GRM1: variants seen among roughly 807,000 people sequenced by gnomAD.
GRM1 encodes glutamate metabotropic receptor 1.
A neutral mutation model predicts 90.9 loss-of-function variants in GRM1; 33 were observed. The observed-to-expected ratio is 0.36, with a 90% confidence interval of 0.28 to 0.49. The LOEUF (loss-of-function observed/expected upper bound fraction) is 0.49, where lower values mean the gene tolerates loss of function less well. Ranked by LOEUF, GRM1 falls within the 20% of genes least tolerant of loss-of-function variation. The probability of loss-of-function intolerance (pLI) is 0.99; values close to 1 mark genes in which losing one functional copy is unlikely to be tolerated. For synonymous variants in GRM1, 700 were observed against 613.2 expected, an observed-to-expected ratio of 1.14 and a Z score of -2.09; for missense variants, 1,190 against 1,534.3, an observed-to-expected ratio of 0.78 and a Z score of 3.75.
chr6:146,244,080 T>C (rs1008274318), intron 2 of GRM1, among the ~76,000 whole-genome samples: 2 of 152,316 alleles, frequency 1.3e-5, no homozygotes, highest in Middle Eastern at 3.4e-3. Context: ...TGTTCTTTTT[T>C]CAAGGTGCCC....
At chr6:146,182,570 C>G (rs1455643685) in intron 2 of GRM1, among the ~76,000 whole-genome samples, 7 of 152,108 alleles carry the variant, frequency 4.6e-5, no homozygotes, top group Non-Finnish European at 7.4e-5. Context: ...AAATAAAGTA[C>G]TTTGCAAACT....
chr6:146,031,664 T>A (rs1486356348), intron 1 of GRM1, among the ~76,000 whole-genome samples: 2 of 152,192 alleles, frequency 1.3e-5, no homozygotes, highest in African/African-American at 4.8e-5. Flanking sequence ...GTATCTCTTT[T>A]TGAACAAAAA....
At chr6:146,042,533 T>C (rs1791152968) in intron 1 of GRM1, among the ~76,000 whole-genome samples, 1 of 151,992 alleles carries the variant, frequency 6.6e-6, no homozygotes, top group Non-Finnish European at 1.5e-5. Context: ...AGAAGCCTTT[T>C]CTCTGCGTGG....
intron 2 of GRM1, among the ~76,000 whole-genome samples, chr6:146,189,765 C>T (rs1022247401): frequency 6.6e-5 from 10 of 152,166 alleles, no homozygotes; most frequent in Admixed American, 4.6e-4. Flanking sequence ...CTCTCCACTA[C>T]GATTCTATCT....
chr6:146,125,782 T>C (rs1776179036), intron 1 of GRM1, among the ~76,000 whole-genome samples: 1 of 152,120 alleles, frequency 6.6e-6, no homozygotes, highest in Admixed American at 6.5e-5. Flanking sequence ...CTCAGAATTC[T>C]TAGTAGTGGT....
At chr6:146,204,473 G>A (rs1479543338) in intron 2 of GRM1, among the ~76,000 whole-genome samples, 5 of 152,064 alleles carry the variant, frequency 3.3e-5, no homozygotes, top group South Asian at 2.1e-4. Flanking sequence ...TGCAGGGCAC[G>A]GTCTATTGTT....
chr6:146,068,525 A>G (rs530781109), intron 1 of GRM1, among the ~76,000 whole-genome samples: 1 of 150,954 alleles, frequency 6.6e-6, no homozygotes, highest in South Asian at 2.1e-4. Flanking sequence ...TGTCCACAAG[A>G]TAGAGAGAGA....
intron 1 of GRM1, among the ~76,000 whole-genome samples, chr6:146,109,981 G>A (rs1256049810): frequency 2.6e-5 from 4 of 152,182 alleles, no homozygotes; most frequent in African/African-American, 9.7e-5. Context: ...TACCCTCATT[G>A]TATCTAGGAA....
chr6:146,334,374 C>T (rs1174911189), intron 3 of GRM1, among the ~76,000 whole-genome samples: 1 of 152,202 alleles, frequency 6.6e-6, no homozygotes, highest in East Asian at 1.9e-4. Context: ...GCTTTTACTT[C>T]TCTGTGCCTA....
chr6:146,302,914 A>T (rs551629941), intron 2 of GRM1, among the ~76,000 whole-genome samples: 21 of 150,228 alleles, frequency 1.4e-4, no homozygotes, highest in Admixed American at 5.3e-4. Flanking sequence ...GGGAGGGAGG[A>T]AGGAAGGAAG....
chr6:146,225,231 G>C (rs1265089842), intron 2 of GRM1, among the ~76,000 whole-genome samples: 1 of 152,100 alleles, frequency 6.6e-6, no homozygotes, highest in South Asian at 2.1e-4. Flanking sequence ...GACAGCTCCA[G>C]CTTTTTACCT....
Position 146,399,715 on chromosome 6 carries a change from T to C in GRM1, c.2660+16T>C. The stretch of plus-strand genomic sequence containing the variant: ...GGAATGCCAAGTGAGTTATCTGACC[T>C]GTTTGTCTCTCTTTTCTCTTCCTTT... On this transcript the variant is annotated intron_variant, in intron 7 of 7. Transcript: ENST00000282753. This position sits in a 1 kb window ranked among gnomAD's most constrained non-coding sequence, Gnocchi z 5.4. 1 of 1,538,064 alleles carries C rather than the reference T, an allele frequency of 6.5e-7. No homozygotes were observed. Among genetic ancestry groups the C allele is most frequent in the Non-Finnish European group, 8.9e-7 (1 of 1,120,838 alleles).
rs71658885 is a variant in GRM1, at chr6:146,313,955, AAG to A, written c.1186+9112_1186+9113del. Among the ~76,000 whole-genome samples, 853 of 151,988 alleles carry A rather than the reference AAG, an allele frequency of 5.6e-3. 4 individuals carry two copies. Among genetic ancestry groups the A allele is most frequent in the Non-Finnish European group, 8.6e-3 (582 of 67,952 alleles). ...TTTAATATAAATTGAATTTTTATAAAAGAGTACATTATAAACTCTTTTCTGCC... is the reference window on the plus strand; with the variant it reads ...TTTAATATAAATTGAATTTTTATAAAAGTACATTATAAACTCTTTTCTGCC... On this transcript the variant is annotated intron_variant, in intron 3 of 7. Coordinates refer to ENST00000282753, the MANE Select transcript of GRM1 (RefSeq NM_001278064.2).
intron 1 of GRM1, among the ~76,000 whole-genome samples, chr6:146,053,279 G>A (rs1359999591): frequency 6.6e-6 from 1 of 151,926 alleles, no homozygotes; most frequent in African/African-American, 2.4e-5. Context: ...GCAATATTTT[G>A]TACAAGGTTT....
intron 1 of GRM1, among the ~76,000 whole-genome samples, chr6:146,109,170 G>A (rs1413474834): frequency 6.6e-6 from 1 of 152,220 alleles, no homozygotes; most frequent in African/African-American, 2.4e-5. Flanking sequence ...CCAAGACAAT[G>A]GGGAAAATGT....
chr6:146,359,405 G>T (rs1403752271), intron 5 of GRM1, among the ~76,000 whole-genome samples: 1 of 152,206 alleles, frequency 6.6e-6, no homozygotes, highest in African/African-American at 2.4e-5. Flanking sequence ...GCCACCCAAA[G>T]GATGTCACAT....
chr6:146,155,802 T>C (rs1028225991), intron 1 of GRM1, among the ~76,000 whole-genome samples: 1 of 152,218 alleles, frequency 6.6e-6, no homozygotes, highest in Non-Finnish European at 1.5e-5. Context: ...TCCAGTCTTA[T>C]GGAGAAGCCC....
intron 2 of GRM1, among the ~76,000 whole-genome samples, chr6:146,275,994 CAG>C (rs150993040): frequency 5.8e-3 from 846 of 146,820 alleles, no homozygotes; most frequent in Admixed American, 6.1e-3. Context: ...AGGAGGAAGG[CAG>C]AGAGAGAGAG....
chr6:146,194,895 C>T (rs1165665517), intron 2 of GRM1, among the ~76,000 whole-genome samples: 2 of 152,230 alleles, frequency 1.3e-5, no homozygotes, highest in Non-Finnish European at 2.9e-5. Flanking sequence ...CAAATTCTGA[C>T]TCTGCCACTT....
Sources: allele counts gnomAD v4.1 joint callset (sites outside exome capture counted in the v4.1 genomes callset), GRCh38; gene constraint gnomAD v4.1.1; non-coding constraint Gnocchi (gnomAD v3.1); transcripts MANE v1.5; gene names NCBI Gene and HGNC (gene_info 2026-07-23, HGNC 2026-07-21).